PIP5K1B: variants seen among roughly 807,000 people sequenced by gnomAD.
PIP5K1B encodes phosphatidylinositol-4-phosphate 5-kinase type 1 beta.
Under a neutral mutation model 67.0 loss-of-function variants are expected in PIP5K1B, and 42 were observed. The observed-to-expected ratio is 0.63, with a 90% confidence interval of 0.49 to 0.81. The LOEUF (loss-of-function observed/expected upper bound fraction) is 0.81, where lower values mean the gene tolerates loss of function less well. Ranked by LOEUF, PIP5K1B falls within the 30% of genes least tolerant of loss-of-function variation. PIP5K1B has a pLI of 0.00. For synonymous variants in PIP5K1B, 214 were observed against 231.4 expected (o/e 0.92, Z 0.68); for missense variants, 459 against 646.3 (o/e 0.71, Z 3.14).
rs1831174052 is a variant in PIP5K1B, at chr9:68,780,235, G to A, written c.-86+37578G>A. 2.6e-6 allele frequency: 4 copies of A among 1,543,676 alleles called. No homozygotes were observed. In the East Asian group the frequency reaches 9.0e-5, roughly 35 times the overall value. ...ACGGGCGGGAGCCCGGCGGAGGGCGGTGGCAGCGGCGGCGGCGGGGGCCTC... is the reference window on the plus strand; with the variant it reads ...ACGGGCGGGAGCCCGGCGGAGGGCGATGGCAGCGGCGGCGGCGGGGGCCTC... On this transcript the variant is annotated intron_variant, in intron 2 of 15. Transcript: ENST00000265382.
chr9:68,932,498 A>G (rs761198188), intron 12 of PIP5K1B, among the ~76,000 whole-genome samples: 16 of 152,218 alleles, frequency 1.1e-4, no homozygotes, highest in Non-Finnish European at 1.8e-4. Context: ...ATTACAAAAT[A>G]TAATTATATT....
intron 13 of PIP5K1B, among the ~76,000 whole-genome samples, chr9:68,935,410 A>G (rs187043164): frequency 9.2e-5 from 14 of 152,294 alleles, no homozygotes; most frequent in Admixed American, 4.6e-4. Flanking sequence ...GGAGGCTGCA[A>G]TGAGCTGAGA....
intron 2 of PIP5K1B, among the ~76,000 whole-genome samples, chr9:68,803,636 G>T (rs1446782376): frequency 6.6e-6 from 1 of 152,244 alleles, no homozygotes; most frequent in Non-Finnish European, 1.5e-5. Context: ...AACTGAGTTT[G>T]CCTCTAACAA....
chr9:68,764,288 G>A (rs1369966806), intron 2 of PIP5K1B, among the ~76,000 whole-genome samples: 5 of 151,528 alleles, frequency 3.3e-5, no homozygotes, highest in African/African-American at 1.2e-4. Flanking sequence ...TTATTTTTGG[G>A]AATAGTCAGT....
chr9:69,000,338 A>G (rs1292176695), intron 15 of PIP5K1B, among the ~76,000 whole-genome samples: 1 of 152,206 alleles, frequency 6.6e-6, no homozygotes, highest in East Asian at 1.9e-4. Context: ...AGAGAACAGA[A>G]TTAAATATAA....
chr9:68,717,481 C>T (rs7042717), intron 1 of PIP5K1B, among the ~76,000 whole-genome samples: 17,741 of 152,170 alleles, frequency 0.12, 1,132 homozygotes, highest in African/African-American at 0.13. Context: ...TAAACAAAAA[C>T]AGTTTATTTC....
intron 3 of PIP5K1B, among the ~76,000 whole-genome samples, chr9:68,818,747 A>G (rs1483434010): frequency 6.6e-6 from 1 of 152,234 alleles, no homozygotes; most frequent in African/African-American, 2.4e-5. Flanking sequence ...GAAGGGTTAA[A>G]AAAAAAACCG....
chr9:68,969,666 T>C (rs1244940223), intron 14 of PIP5K1B, among the ~76,000 whole-genome samples: 2 of 152,108 alleles, frequency 1.3e-5, no homozygotes, highest in African/African-American at 2.4e-5. Flanking sequence ...TAGGTCAACA[T>C]TGTGAGATAT....
At chr9:68,996,374 C>T (rs1830601920) in intron 15 of PIP5K1B, among the ~76,000 whole-genome samples, 1 of 152,188 alleles carries the variant, frequency 6.6e-6, no homozygotes, top group Non-Finnish European at 1.5e-5. Context: ...CATTCACCTT[C>T]ACACTGTAGA....
intron 13 of PIP5K1B, among the ~76,000 whole-genome samples, chr9:68,938,782 G>A (rs570579753): frequency 3.6e-4 from 55 of 152,154 alleles, no homozygotes; most frequent in African/African-American, 1.2e-3. Context: ...CTGTCTGACA[G>A]CCAAGAGCCA....
At chr9:68,722,332 G>A (rs1827928868) in intron 1 of PIP5K1B, among the ~76,000 whole-genome samples, 2 of 152,112 alleles carry the variant, frequency 1.3e-5, no homozygotes, top group Admixed American at 6.5e-5. Context: ...AGCCTTCTGA[G>A]TAGCTGGGAT....
At chr9:68,748,712 C>T (rs1247890949) in intron 2 of PIP5K1B, among the ~76,000 whole-genome samples, 1 of 150,468 alleles carries the variant, frequency 6.6e-6, no homozygotes, top group Non-Finnish European at 1.5e-5. Context: ...ACCTCCGCCT[C>T]CCAGGTTCAA....
intron 14 of PIP5K1B, chr9:68,966,425 G>A (rs765038346): frequency 6.6e-6 from 1 of 152,224 alleles, no homozygotes; most frequent in Non-Finnish European, 1.5e-5. Flanking sequence ...CATGTTAATA[G>A]TGCATAACCT....
intron 2 of PIP5K1B, among the ~76,000 whole-genome samples, chr9:68,758,682 A>G (rs967931849): frequency 2.0e-5 from 3 of 152,108 alleles, no homozygotes; most frequent in African/African-American, 7.2e-5. Flanking sequence ...GAGAGGAAAA[A>G]AAGTATGGCA....
chr9:68,834,550 G>A (rs1008790399), intron 4 of PIP5K1B, among the ~76,000 whole-genome samples: 2 of 152,154 alleles, frequency 1.3e-5, no homozygotes, highest in African/African-American at 2.4e-5. Flanking sequence ...CCCACGCAGC[G>A]TCTGGTACAG....
chr9:68,964,792 T>C (rs1265556628), intron 14 of PIP5K1B, among the ~76,000 whole-genome samples: 3 of 152,242 alleles, frequency 2.0e-5, no homozygotes, highest in African/African-American at 7.2e-5. Flanking sequence ...TAAACTAGAA[T>C]GCCTGTAGGT....
chr9:68,945,124 CT>C (rs541834211), intron 14 of PIP5K1B, among the ~76,000 whole-genome samples: 31 of 149,420 alleles, frequency 2.1e-4, no homozygotes, highest in Admixed American at 1.1e-3. Flanking sequence ...AAGTTGTGGG[CT>C]TATGTTTTGG....
At chr9:68,886,768 G>A (rs1824497652) in intron 6 of PIP5K1B, among the ~76,000 whole-genome samples, 1 of 152,202 alleles carries the variant, frequency 6.6e-6, no homozygotes, top group Non-Finnish European at 1.5e-5. Flanking sequence ...TTCTACGGTG[G>A]TTTCCTAACC....
At chr9:68,748,043 A>G (rs1348990910) in intron 2 of PIP5K1B, among the ~76,000 whole-genome samples, 6 of 152,142 alleles carry the variant, frequency 3.9e-5, no homozygotes, top group Non-Finnish European at 8.8e-5. Context: ...GTCACTCCCC[A>G]TTCCCTACTC....
Sources: gnomAD v4.1 joint callset for allele counts (sites outside exome capture counted in the v4.1 genomes callset) on GRCh38, gnomAD v4.1.1 for gene constraint, MANE v1.5 for transcripts, NCBI Gene and HGNC (gene_info 2026-07-23, HGNC 2026-07-21) for gene names.